CRMP1: variants seen among roughly 807,000 people sequenced by gnomAD.
The protein encoded by CRMP1 is dihydropyrimidinase-related protein 1.
Under a neutral mutation model 68.3 loss-of-function variants are expected in CRMP1, and 19 were observed. That is an observed-to-expected ratio of 0.28 (90% CI 0.19 to 0.41). CRMP1 has a LOEUF of 0.41. Ranked by LOEUF, CRMP1 falls within the 10% of genes least tolerant of loss-of-function variation. The probability of loss-of-function intolerance (pLI) is 1.00; values close to 1 mark genes in which losing one functional copy is unlikely to be tolerated. For synonymous variants in CRMP1, 439 were observed against 399.6 expected (o/e 1.10, Z -1.18); for missense variants, 791 against 967.4 (o/e 0.82, Z 2.42).
At chr4:5,845,961 C>T (rs916717821) in intron 6 of CRMP1, among the ~76,000 whole-genome samples, 9 of 152,098 alleles carry the variant, frequency 5.9e-5, no homozygotes, top group Admixed American at 4.6e-4. Context: ...AGGGGTGGTG[C>T]CTCCCAGTAT....
intron 12 of CRMP1, among the ~76,000 whole-genome samples, chr4:5,827,741 A>G (rs1719906920): frequency 6.8e-6 from 1 of 147,122 alleles, no homozygotes; most frequent in Non-Finnish European, 1.5e-5. Context: ...GTGCACACAC[A>G]CACACACACA....
In CRMP1 at chr4:5,853,555, C is replaced by A. The variant is rs1302274814; in HGVS notation, c.821-2086G>T. Among the ~76,000 whole-genome samples, 1 of 152,178 alleles carries A rather than the reference C, an allele frequency of 6.6e-6. No homozygotes were observed. The highest frequency in any genetic ancestry group is 2.4e-5 in the African/African-American group (1 of 41,448). On this transcript the variant is annotated intron_variant, in intron 4 of 13. Coordinates refer to ENST00000324989, the MANE Select transcript of CRMP1 (RefSeq NM_001014809.3). The surrounding 1 kb of genome is among the most constrained non-coding windows in gnomAD (Gnocchi z 4.7). ...CGGAGGCTCCTCACAAAACTAAGAA[C>A]TGAATTACCATATGCTTCAGCAGTC...
intron 1 of CRMP1, among the ~76,000 whole-genome samples, chr4:5,871,181 C>CT (rs1714411719): frequency 6.6e-6 from 1 of 152,166 alleles, no homozygotes; most frequent in African/African-American, 2.4e-5. Flanking sequence ...TGGTCTACTT[C>CT]TGAAAAAATA....
intron 1 of CRMP1, among the ~76,000 whole-genome samples, chr4:5,885,349 C>A (rs1231148711): frequency 1.3e-5 from 2 of 152,200 alleles, no homozygotes; most frequent in Non-Finnish European, 2.9e-5. Context: ...CAGCAACAAG[C>A]AGGTGGGGAC....
At position 5,866,538 on chromosome 4, in the gene CRMP1, A is replaced by T; in HGVS notation, c.470+130T>A. On this transcript the variant is annotated intron_variant, in intron 2 of 13. Transcript: ENST00000324989. This position sits in a 1 kb window ranked among gnomAD's most constrained non-coding sequence, Gnocchi z 5.9. ...GTGTGCACCTCCCCCAACCTCTGTG[A>T]GGTCTCTACCCCTGAAACACAGGTA... 2 of 639,282 alleles carry T rather than the reference A, an allele frequency of 3.1e-6. No homozygotes were observed. The highest frequency in any genetic ancestry group is 5.4e-6 in the Non-Finnish European group (2 of 370,414). The allele number at this position is 639,282 out of a possible 1,614,324, so 39.6% of individuals were successfully genotyped here.
chr4:5,845,652 C>T (rs1296172163), intron 6 of CRMP1, among the ~76,000 whole-genome samples: 1 of 152,212 alleles, frequency 6.6e-6, no homozygotes, highest in Non-Finnish European at 1.5e-5. Context: ...AGATAATTTG[C>T]TTTAAGACGC....
intron 13 of CRMP1, among the ~76,000 whole-genome samples, chr4:5,822,472 A>G (rs564343126): frequency 7.2e-6 from 1 of 139,844 alleles, no homozygotes; most frequent in Admixed American, 7.4e-5. Context: ...TACTTCCCTC[A>G]TTGGCGATAG....
chr4:5,843,254 C>T lies in CRMP1; in HGVS notation c.964-93G>A. 1.5e-6 allele frequency: 2 copies of T among 1,333,012 alleles called. No individual in the cohort carries two copies. Among genetic ancestry groups the T allele is most frequent in the Non-Finnish European group, 1.1e-6 (1 of 930,110 alleles). 82.6% of individuals were successfully genotyped at this position (1,333,012 alleles called of 1,614,324 possible). ...CCCCCTGGTTAGACAGAGGGGGCAG[C>T]TGGGTCCCAAAGAGGCGAGTGGCTT... On this transcript the variant is annotated intron_variant, in intron 6 of 13. Transcript: ENST00000324989. The surrounding 1 kb of genome is among the most constrained non-coding windows in gnomAD (Gnocchi z 4.1).
At position 5,854,399 on chromosome 4, in the gene CRMP1, G is replaced by GTTTTTTTTTT. The variant is rs35551598; in HGVS notation, c.820+1734_820+1743dup. On this transcript the variant is annotated intron_variant, in intron 4 of 13. Transcript: ENST00000324989. The surrounding 1 kb of genome is among the most constrained non-coding windows in gnomAD (Gnocchi z 4.0). Reference sequence around the variant, plus strand: ...GGCGTACACCACCACTCCTGGCTATGTTTTTTTTTTTTTTTTTTTTTTTTT... The same window carrying GTTTTTTTTTT: ...GGCGTACACCACCACTCCTGGCTATGTTTTTTTTTTTTTTTTTTTTTTTTTTTTTTTTTTT... Among the ~76,000 whole-genome samples the GTTTTTTTTTT allele has an allele frequency of 1.4e-5, 1 of 70,860 alleles. No homozygotes were observed. Among genetic ancestry groups the GTTTTTTTTTT allele is most frequent in the African/African-American group, 6.1e-5 (1 of 16,516 alleles). 46.5% of individuals were successfully genotyped at this position (70,860 alleles called of 152,430 possible).
In CRMP1 at chr4:5,883,894, C is replaced by T. The variant is rs4315727; in HGVS notation, c.381+8695G>A. ...ATTCACGGTTAAGGTGGTATAGTTA[C>T]GTCACTTTCACTTTTATGTCCCCTC... is the stretch of plus-strand genomic sequence containing the variant. On this transcript the variant is annotated intron_variant, in intron 1 of 13. Coordinates refer to ENST00000324989, the MANE Select transcript of CRMP1 (RefSeq NM_001014809.3). This position sits in a 1 kb window ranked among gnomAD's most constrained non-coding sequence, Gnocchi z 4.5. Among the ~76,000 whole-genome samples the T allele has an allele frequency of 0.53, 81,180 of 152,098 alleles. 22,324 individuals carry two copies. Among genetic ancestry groups the T allele is most frequent in the East Asian group, 0.74 (3,800 of 5,164 alleles).
chr4:5,841,523 A>G lies in CRMP1; in HGVS notation c.1033-95T>C, dbSNP rs1711726976. ...CTTAATTGAATGTGATCAGAAGGGA[A>G]ATCTGCTCCATTGAATGAGAAGGAC... On this transcript the variant is annotated intron_variant, in intron 7 of 13. Coordinates refer to ENST00000324989, the MANE Select transcript of CRMP1 (RefSeq NM_001014809.3). This position sits in a 1 kb window ranked among gnomAD's most constrained non-coding sequence, Gnocchi z 6.9. The G allele has an allele frequency of 6.4e-7, 1 of 1,562,368 alleles. No individual in the cohort carries two copies. Among genetic ancestry groups the G allele is most frequent in the Non-Finnish European group, 8.7e-7 (1 of 1,147,726 alleles).
rs1413617260 is a variant in CRMP1, at chr4:5,865,532, A to G, written c.470+1136T>C. ...GCTACTCGGGAGGCTGAGGCAGGGGAGTCGATTGAACCCGGGAAGTGGAGG... is the reference window on the plus strand; with the variant it reads ...GCTACTCGGGAGGCTGAGGCAGGGGGGTCGATTGAACCCGGGAAGTGGAGG... On this transcript the variant is annotated intron_variant, in intron 2 of 13. Transcript: ENST00000324989. The surrounding 1 kb of genome is among the most constrained non-coding windows in gnomAD (Gnocchi z 4.1). 6.7e-6 allele frequency among the ~76,000 whole-genome samples: 1 copy of G among 149,394 alleles called. No homozygotes were observed. The highest frequency in any genetic ancestry group is 1.5e-5 in the Non-Finnish European group (1 of 67,574).
rs1408626362 is a variant in CRMP1 at position 5,858,779 on chromosome 4, G to A, written c.655+2247C>T. On this transcript the variant is annotated intron_variant, in intron 3 of 13. Coordinates refer to ENST00000324989, the MANE Select transcript of CRMP1 (RefSeq NM_001014809.3). The surrounding 1 kb of genome is among the most constrained non-coding windows in gnomAD (Gnocchi z 5.5). Reference sequence around the variant, plus strand: ...CCTCATCAGGCCATCGAGGCCCAGGGTTGTCCTCTCCTTCCAGCCTTGCCT... The same window carrying A: ...CCTCATCAGGCCATCGAGGCCCAGGATTGTCCTCTCCTTCCAGCCTTGCCT... 6.6e-6 allele frequency among the ~76,000 whole-genome samples: 1 copy of A among 152,140 alleles called. No homozygotes were observed. The highest frequency in any genetic ancestry group is 2.4e-5 in the African/African-American group (1 of 41,434).
chr4:5,880,936 A>G (rs1411655295), intron 1 of CRMP1, among the ~76,000 whole-genome samples: 1 of 152,222 alleles, frequency 6.6e-6, no homozygotes, highest in East Asian at 1.9e-4. Context: ...CCTGAGGAGA[A>G]TCAGACAATT....
chr4:5,825,030 T>C lies in CRMP1; in HGVS notation c.1969+464A>G. ...AAATAAATAGGGTATAATGTTACTT[T>C]ATGGAGTAGTGAGGATAAAATAAAA... On this transcript the variant is annotated intron_variant, in intron 13 of 13. Transcript: ENST00000324989. This position sits in a 1 kb window ranked among gnomAD's most constrained non-coding sequence, Gnocchi z 4.4. 1.0e-6 allele frequency: 1 copy of C among 985,378 alleles called. No homozygotes were observed. Among genetic ancestry groups the C allele is most frequent in the Non-Finnish European group, 1.2e-6 (1 of 829,880 alleles). The allele number at this position is 985,378 out of a possible 1,614,324, so 61.0% of individuals were successfully genotyped here. A position where few individuals can be genotyped will look rare whatever the true frequency, so the allele number is the denominator to read the frequency against.
intron 6 of CRMP1, among the ~76,000 whole-genome samples, chr4:5,846,362 A>G (rs1712199525): frequency 6.6e-6 from 1 of 152,162 alleles, no homozygotes; most frequent in Non-Finnish European, 1.5e-5. Context: ...CCTGTGGACC[A>G]TCTCAGTCAA....
chr4:5,823,149 A>G (rs1014250737), intron 13 of CRMP1, among the ~76,000 whole-genome samples: 15 of 152,194 alleles, frequency 9.9e-5, no homozygotes, highest in African/African-American at 3.6e-4. Context: ...AATTTGGAGT[A>G]AGACACCACC....
chr4:5,828,742 G>A, intron 11 of CRMP1, 74 bp from the exon 12 acceptor site: 2 of 1,526,752 alleles, frequency 1.3e-6, no homozygotes, highest in Non-Finnish European at 1.8e-6. Context: ...CAGCGATTTT[G>A]CCTAACATTA....
At chr4:5,831,139 A>C (rs921920900) in intron 11 of CRMP1, among the ~76,000 whole-genome samples, 1 of 151,958 alleles carries the variant, frequency 6.6e-6, no homozygotes, top group African/African-American at 2.4e-5. Flanking sequence ...TTGTAGAGGC[A>C]GGGTCTCACT....
Sources: gnomAD v4.1 joint callset for allele counts (sites outside exome capture counted in the v4.1 genomes callset) on GRCh38, gnomAD v4.1.1 for gene constraint, Gnocchi (gnomAD v3.1) non-coding constraint, MANE v1.5 for transcripts, NCBI Gene and HGNC (gene_info 2026-07-23, HGNC 2026-07-21) for gene names.